The following GRHL2 variants were observed in gnomAD, a reference collection of about 807,000 sequenced individuals.
GRHL2 encodes the protein grainyhead like transcription factor 2, also known as grainyhead-like protein 2 homolog.
In GRHL2, 21 loss-of-function variants were observed where a neutral mutation model predicts 83.8. The ratio of observed to expected loss-of-function variants is 0.25; its 90% confidence interval spans 0.18 to 0.36. GRHL2 has a LOEUF of 0.36. Among genes scored for constraint, GRHL2 ranks in the 10% least tolerant of loss-of-function variants. The pLI, the probability that GRHL2 is intolerant of heterozygous loss-of-function variation, is 1.00. For synonymous variants in GRHL2, 280 were observed against 278.9 expected (o/e 1.00, Z -0.04); for missense variants, 623 against 781.8 (o/e 0.80, Z 2.42).
At chr8:101,621,568 G>A (rs1812965538) in intron 9 of GRHL2, among the ~76,000 whole-genome samples, 1 of 151,488 alleles carries the variant, frequency 6.6e-6, no homozygotes, top group Non-Finnish European at 1.5e-5. Context: ...AATGAAAGAG[G>A]TGTGAGAGAA....
intron 8 of GRHL2, among the ~76,000 whole-genome samples, chr8:101,614,000 G>C (rs1812805232): frequency 6.6e-6 from 1 of 150,886 alleles, no homozygotes; most frequent in Non-Finnish European, 1.5e-5. Context: ...ATCCCAAATT[G>C]CTTTCTGAAT....
chr8:101,578,083 C>T (rs1811969179), intron 7 of GRHL2, among the ~76,000 whole-genome samples: 2 of 152,196 alleles, frequency 1.3e-5, no homozygotes, highest in African/African-American at 2.4e-5. Flanking sequence ...TCTGTAGAGA[C>T]CAGCAGCCCC....
intron 4 of GRHL2, among the ~76,000 whole-genome samples, chr8:101,568,859 A>G (rs184979511): frequency 6.6e-6 from 1 of 152,340 alleles, no homozygotes; most frequent in Non-Finnish European, 1.5e-5. Flanking sequence ...TTTGAAGGGA[A>G]GATAATCTTC....
chr8:101,584,052 C>T (rs920774710), intron 7 of GRHL2, among the ~76,000 whole-genome samples: 5 of 152,204 alleles, frequency 3.3e-5, no homozygotes, highest in African/African-American at 4.8e-5. Flanking sequence ...ATTATAGTCA[C>T]ATCCAGTGTA....
In GRHL2 at chr8:101,602,952, C is replaced by T. The variant is rs139689794; in HGVS notation, c.1098+3801C>T. ...GCTCCCTGGCTCCTTTGGCCTGGTC[C>T]TCATGGGGCTGCAGTGGCAGCAGGC... On this transcript the variant is annotated intron_variant, in intron 8 of 15. Coordinates refer to ENST00000646743, the MANE Select transcript of GRHL2 (RefSeq NM_024915.4). Among the ~76,000 whole-genome samples the T allele has an allele frequency of 1.3e-3, 199 of 152,312 alleles. 3 individuals carry two copies. Among genetic ancestry groups the T allele is most frequent in the African/African-American group, 4.3e-3 (177 of 41,554 alleles).
At chr8:101,551,211 T>G (rs930402034) in intron 2 of GRHL2, among the ~76,000 whole-genome samples, 12 of 152,222 alleles carry the variant, frequency 7.9e-5, no homozygotes, top group Non-Finnish European at 1.5e-4. Context: ...GATTTATAAT[T>G]GATTTATTTT....
intron 7 of GRHL2, 124 bp from the exon 8 acceptor site, chr8:101,598,933 T>C (rs1812454279): frequency 1.4e-6 from 1 of 706,328 alleles, no homozygotes; most frequent in Non-Finnish European, 2.6e-6. Context: ...CCTTAACTGT[T>C]AGCATGGAGA....
chr8:101,625,608 T>A (rs1466535091), intron 9 of GRHL2, among the ~76,000 whole-genome samples: 1 of 152,114 alleles, frequency 6.6e-6, no homozygotes, highest in Non-Finnish European at 1.5e-5. Context: ...GAGGGTAATC[T>A]GTGGCAAGGA....
chr8:101,524,355 C>A (rs1188365350), intron 1 of GRHL2, among the ~76,000 whole-genome samples: 1 of 152,028 alleles, frequency 6.6e-6, no homozygotes, highest in Admixed American at 6.6e-5. Flanking sequence ...TTTGTTTTAT[C>A]TTTATTACAT....
downstream of GRHL2, among the ~76,000 whole-genome samples, chr8:101,672,787 T>G (rs1166344369): frequency 1.3e-5 from 2 of 151,432 alleles, no homozygotes; most frequent in Admixed American, 1.3e-4. Context: ...GAAAAAATGT[T>G]AAGGGCAGCC....
intron 4 of GRHL2, among the ~76,000 whole-genome samples, chr8:101,559,374 AAAAAAAT>A (rs1217584816): frequency 6.7e-6 from 1 of 149,640 alleles, no homozygotes; most frequent in Non-Finnish European, 1.5e-5. Flanking sequence ...AAAAAAAAAA[AAAAAAAT>A]TAGCCAGGCC....
At chr8:101,522,742 TATATATATACACAC>T (rs1810713847) in intron 1 of GRHL2, among the ~76,000 whole-genome samples, 1 of 150,490 alleles carries the variant, frequency 6.6e-6, no homozygotes, top group African/African-American at 2.4e-5. Context: ...CATATACATA[TATATATATACACAC>T]ACATATACAT....
chr8:101,496,889 C>T (rs1810117419), intron 1 of GRHL2, among the ~76,000 whole-genome samples: 1 of 152,066 alleles, frequency 6.6e-6, no homozygotes, highest in Non-Finnish European at 1.5e-5. Context: ...GAAAGGAGCT[C>T]TGTGTGGGTG....
At chr8:101,573,171 G>C (rs1811861088) in intron 5 of GRHL2, among the ~76,000 whole-genome samples, 1 of 149,334 alleles carries the variant, frequency 6.7e-6, no homozygotes, top group Non-Finnish European at 1.5e-5. Context: ...GTGAATGTTT[G>C]AGTTTTGGAT....
chr8:101,539,308 C>T (rs552101044), intron 1 of GRHL2, among the ~76,000 whole-genome samples: 2 of 152,170 alleles, frequency 1.3e-5, no homozygotes, highest in African/African-American at 2.4e-5. Context: ...TGTGATCACT[C>T]CCAATAACAT....
intron 9 of GRHL2, among the ~76,000 whole-genome samples, chr8:101,622,092 T>C (rs1230483453): frequency 2.6e-5 from 4 of 152,172 alleles, no homozygotes; most frequent in Non-Finnish European, 4.4e-5. Flanking sequence ...AGTTAAGCTA[T>C]TGGACTTTTT....
chr8:101,667,010 G>A lies in GRHL2; in HGVS notation c.*307G>A, dbSNP rs1487909300. ...GCCCGCCAGGACTCTGCAGGTCACT[G>A]CTAGCTCCAGATGAGACCGTCCAGC... On this transcript the variant is annotated 3_prime_UTR_variant, in exon 16 of 16. Coordinates refer to ENST00000646743, the MANE Select transcript of GRHL2 (RefSeq NM_024915.4). 2 of 491,442 alleles carry A rather than the reference G, an allele frequency of 4.1e-6. No individual in the cohort carries two copies. The highest frequency in any genetic ancestry group is 7.5e-6 in the Non-Finnish European group (2 of 268,182). 30.4% of individuals were successfully genotyped at this position (491,442 alleles called of 1,614,324 possible). A position where few individuals can be genotyped will look rare whatever the true frequency, so the allele number is the denominator to read the frequency against.
chr8:101,676,279 C>G, the GRHL2 span, among the ~76,000 whole-genome samples: 3 of 150,068 alleles, frequency 2.0e-5, no homozygotes, highest in Non-Finnish European at 4.5e-5. Context: ...AGGCAACCTA[C>G]AGAATGGGAG....
chr8:101,633,248 C>T (rs565073473), intron 11 of GRHL2, among the ~76,000 whole-genome samples: 1 of 152,096 alleles, frequency 6.6e-6, no homozygotes, highest in East Asian at 1.9e-4. Flanking sequence ...TAATTATTTC[C>T]TTAGCATTAA....
Sources: allele counts gnomAD v4.1 joint callset (sites outside exome capture counted in the v4.1 genomes callset), GRCh38; gene constraint gnomAD v4.1.1; transcripts MANE v1.5; gene names NCBI Gene and HGNC (gene_info 2026-07-23, HGNC 2026-07-21).